Variants in TRANK1 observed in about 807,000 individuals in gnomAD.
TRANK1 encodes TPR and ankyrin repeat-containing protein 1.
A neutral mutation model predicts 266.0 loss-of-function variants in TRANK1; 198 were observed. The ratio of observed to expected loss-of-function variants is 0.74; its 90% CI spans 0.66 to 0.84. The LOEUF (loss-of-function observed/expected upper bound fraction) is 0.84. TRANK1 is among the 40% of genes least tolerant of loss of function. TRANK1 has a pLI of 0.00. For missense variants in TRANK1, 3,326 were observed against 3,634.6 expected, an observed-to-expected ratio of 0.92 and a Z score of 2.18; for synonymous variants, 1,396 against 1,384.1, an observed-to-expected ratio of 1.01 and a Z score of -0.19.
intron 2 of TRANK1, 117 bp from the exon 3 acceptor site, chr3:36,903,392 C>G (rs1025736934): frequency 4.7e-6 from 6 of 1,272,640 alleles, no homozygotes; most frequent in Non-Finnish European, 6.4e-6. Flanking sequence ...TAGGAAATGA[C>G]TCATTCATGC....
At chr3:36,907,745 T>A (rs2079994002) in intron 2 of TRANK1, among the ~76,000 whole-genome samples, 1 of 152,212 alleles carries the variant, frequency 6.6e-6, no homozygotes, top group Non-Finnish European at 1.5e-5. Context: ...ATTACAGGCA[T>A]GAGCCACCGC....
rs1437323246 is a variant in TRANK1, at chr3:36,855,730, C to T, written c.3992G>A (p.Trp1331Ter). The T allele has an allele frequency of 6.2e-7, 1 of 1,613,622 alleles. No individual in the cohort carries two copies. ...VTFEVFKNEI[W>*]PKMTKGRTAY... ...AGTCCTCCCTTTGGTCATTTTGGGC[C>T]ATATTTCATTTTTGAACACCTCAAA... The change falls in exon 13 of 24, where the codon TGG becomes TAG. Residue 1331 changes from tryptophan to a stop codon, truncating the protein, a stop_gained. Transcript: ENST00000645898. LOFTEE classifies it high-confidence loss of function.
chr3:36,885,142 T>C (rs1162846540), intron 8 of TRANK1, among the ~76,000 whole-genome samples: 2 of 152,098 alleles, frequency 1.3e-5, no homozygotes, highest in African/African-American at 4.8e-5. Context: ...AAAGAAAAGA[T>C]AGTAATTTTA....
Position 36,892,103 on chromosome 3 carries a change from A to G in TRANK1, c.775+99T>C, listed in dbSNP as rs867480682. The G allele has an allele frequency of 1.7e-5, 23 of 1,356,408 alleles. No individual in the cohort carries two copies. In the South Asian group the frequency reaches 3.1e-4, roughly 18 times the overall value. The allele number at this position is 1,356,408 out of a possible 1,614,324, so 84.0% of individuals were successfully genotyped here. A position where few individuals can be genotyped will look rare whatever the true frequency, so the allele number is the denominator to read the frequency against. On this transcript the variant is annotated intron_variant, in intron 7 of 23. Transcript: ENST00000645898. ...TCATTTGAATATTCAAATGGTCTGC[A>G]TTCAAGTGGCTTAATTCTAGTTTCA...
chr3:36,842,609 T>G lies in TRANK1; in HGVS notation c.5280+13A>C, dbSNP rs755710660. The G allele has an allele frequency of 3.1e-6, 5 of 1,613,120 alleles. No homozygotes were observed. The highest frequency in any genetic ancestry group is 1.7e-4 in the Middle Eastern group (1 of 6,038). ...CACCAGTGACAAGGACCCCTCCTAG[T>G]CCAACCCCTTACCTTCCAGCACTGG... On this transcript the variant is annotated intron_variant, in intron 18 of 23. Coordinates refer to ENST00000645898, the MANE Select transcript of TRANK1 (RefSeq NM_001329998.2).
intron 20 of TRANK1, among the ~76,000 whole-genome samples, chr3:36,836,150 A>C (rs1173162538): frequency 6.6e-6 from 1 of 152,266 alleles, no homozygotes; most frequent in Non-Finnish European, 1.5e-5. Flanking sequence ...ACCCTCATGC[A>C]CAAAGTGGAA....
Position 36,887,985 on chromosome 3 carries a change from C to G in TRANK1, c.907+1844G>C, listed in dbSNP as rs549474212. Among the ~76,000 whole-genome samples, 4 of 152,258 alleles carry G rather than the reference C, an allele frequency of 2.6e-5. No individual in the cohort carries two copies. The East Asian group carries it at 7.7e-4, about 29-fold the overall frequency. On this transcript the variant is annotated intron_variant, in intron 8 of 23. Coordinates refer to ENST00000645898, the MANE Select transcript of TRANK1 (RefSeq NM_001329998.2). ...TTAAACATAGTGTTACCATATGATC[C>G]GGCAATTCTACTCCTGGGTATCTAG...
chr3:36,865,940 A>AG (rs2079211144), intron 9 of TRANK1, among the ~76,000 whole-genome samples: 1 of 148,964 alleles, frequency 6.7e-6, no homozygotes, highest in Non-Finnish European at 1.5e-5. Flanking sequence ...AAAGAAAAAA[A>AG]AGAGAGAGAG....
intron 20 of TRANK1, among the ~76,000 whole-genome samples, chr3:36,835,147 G>A (rs542969555): frequency 2.6e-5 from 4 of 151,116 alleles, no homozygotes; most frequent in East Asian, 3.9e-4. Flanking sequence ...GTGAAACCCC[G>A]TCTCTACTAA....
intron 21 of TRANK1, chr3:36,834,279 G>A (rs894921015): frequency 2.4e-5 from 5 of 209,864 alleles, no homozygotes; most frequent in African/African-American, 1.2e-4. Context: ...TCTCATAAAA[G>A]CATCATAATC....
rs757495818 is a variant in TRANK1 at position 36,831,063 on chromosome 3, A to G, written c.8520T>C (p.Phe2840=). 1 of 1,613,932 alleles carries G rather than the reference A, an allele frequency of 6.2e-7. No homozygotes were observed. The highest frequency in any genetic ancestry group is 1.1e-5 in the South Asian group (1 of 91,086). ...QQVAYQKYSE[F]FHEKVDPAID... ...TGGCCGGGTCCACCTTCTCGTGGAA[A>G]AATTCTGAGTATTTCTGGTAGGCCA... The change falls in exon 22 of 24, where the codon TTT becomes TTC. Residue 2840 remains phenylalanine, a synonymous_variant. Transcript: ENST00000645898. The surrounding 1 kb of genome is among the most constrained non-coding windows in gnomAD (Gnocchi z 5.0).
At position 36,827,349 on chromosome 3, in the gene TRANK1, C is replaced by T. The variant is rs998754565; in HGVS notation, c.*926G>A. On this transcript the variant is annotated 3_prime_UTR_variant, in exon 24 of 24. Transcript: ENST00000645898. ...AATCTGCAGCTCTGCAGGTCACCAT[C>T]CCACAGTGATGAGCTCAGCAAGCAG... is the stretch of plus-strand genomic sequence containing the variant. The T allele has an allele frequency of 6.6e-6, 1 of 152,320 alleles. No homozygotes were observed. Among genetic ancestry groups the T allele is most frequent in the Admixed American group, 6.5e-5 (1 of 15,292 alleles). The allele number at this position is 152,320 out of a possible 1,614,324, so 9.4% of individuals were successfully genotyped here. A position where few individuals can be genotyped will look rare whatever the true frequency, so the allele number is the denominator to read the frequency against.
rs1025047960 is a variant in TRANK1 at position 36,831,745 on chromosome 3, T to C, written c.7838A>G (p.Lys2613Arg). Reference protein sequence around the residue: ...CPGQVPERLLKVVKRVLVAVN... With the variant: ...CPGQVPERLLRVVKRVLVAVN... Reference sequence around the variant, plus strand: ...TGCCACCAAGACCCGCTTCACCACCTTCAGGAGCCTCTCGGGAACCTGGCC... The same window carrying C: ...TGCCACCAAGACCCGCTTCACCACCCTCAGGAGCCTCTCGGGAACCTGGCC... The change falls in exon 22 of 24, where the codon AAG (lysine) becomes AGG (arginine). Residue 2613 changes from lysine (K) to arginine (R), a missense_variant. Coordinates refer to ENST00000645898, the MANE Select transcript of TRANK1 (RefSeq NM_001329998.2). This position sits in a 1 kb window ranked among gnomAD's most constrained non-coding sequence, Gnocchi z 5.0. 8.7e-6 allele frequency: 14 copies of C among 1,613,780 alleles called. No individual in the cohort carries two copies. The African/African-American group carries it at 1.9e-4, about 22-fold the overall frequency.
At chr3:36,893,937 G>A (rs1036128079) in intron 5 of TRANK1, among the ~76,000 whole-genome samples, 1 of 151,314 alleles carries the variant, frequency 6.6e-6, no homozygotes, top group African/African-American at 2.4e-5. Flanking sequence ...TGGCTAGAGT[G>A]CAGTGGTGCA....
Position 36,856,543 on chromosome 3 carries a change from G to A in TRANK1, c.3179C>T (p.Ala1060Val), listed in dbSNP as rs547852895. Reference sequence around the variant, plus strand: ...TGGCCTGGGATTGAGGTCGATCACCGCGTACTCAAGCTCACCCACCCGGAA... The same window carrying A: ...TGGCCTGGGATTGAGGTCGATCACCACGTACTCAAGCTCACCCACCCGGAA... The part of the protein sequence containing the change: ...YPFRVGELEY[A>V]VIDLNPRPLE... The change falls in exon 13 of 24, where the codon GCG (alanine) becomes GTG (valine). Residue 1060 changes from alanine to valine, a missense_variant. Coordinates refer to ENST00000645898, the MANE Select transcript of TRANK1 (RefSeq NM_001329998.2). The A allele has an allele frequency of 7.6e-5, 122 of 1,613,962 alleles. No individual in the cohort carries two copies. The highest frequency in any genetic ancestry group is 1.1e-4 in the East Asian group (5 of 44,872).
At chr3:36,863,729 C>A (rs531967233) in intron 10 of TRANK1, among the ~76,000 whole-genome samples, 1 of 152,308 alleles carries the variant, frequency 6.6e-6, no homozygotes, top group East Asian at 1.9e-4. Context: ...GGAAACAAGA[C>A]TTGAATGCTA....
At chr3:36,945,711 TG>T (rs773473237), upstream of TRANK1, among the ~76,000 whole-genome samples, 1 of 152,198 alleles carries the variant, frequency 6.6e-6, no homozygotes, top group Non-Finnish European at 1.5e-5. Flanking sequence ...GGAGCCGGTT[TG>T]GTCTTCACAG....
Position 36,856,525 on chromosome 3 carries a change from G to A in TRANK1, c.3197C>T (p.Pro1066Leu), listed in dbSNP as rs1261816420. 1 of 1,613,994 alleles carries A rather than the reference G, an allele frequency of 6.2e-7. No individual in the cohort carries two copies. Among genetic ancestry groups the A allele is most frequent in the Non-Finnish European group, 8.5e-7 (1 of 1,179,898 alleles). Reference protein sequence around the residue: ...ELEYAVIDLNPRPLEPIILIG... With the variant: ...ELEYAVIDLNLRPLEPIILIG... ...AAGGATGATGGGCTCCAGTGGCCTG[G>A]GATTGAGGTCGATCACCGCGTACTC... Residue 1066 changes from proline to leucine, a missense_variant, in exon 13 of 24, where the codon CCC becomes CTC. Transcript: ENST00000645898.
At chr3:36,908,183 C>A in intron 2 of TRANK1, 140 bp downstream of exon 2, 2 of 995,896 alleles carry the variant, frequency 2.0e-6, no homozygotes, top group Non-Finnish European at 2.6e-6. Context: ...TCTAAGCTGA[C>A]AATGCAGAGA....
Sources: allele counts gnomAD v4.1 joint callset (sites outside exome capture counted in the v4.1 genomes callset), GRCh38; gene constraint gnomAD v4.1.1; non-coding constraint Gnocchi (gnomAD v3.1); transcripts MANE v1.5; gene names NCBI Gene and HGNC (gene_info 2026-07-23, HGNC 2026-07-21).